FRMD3: variants seen among roughly 807,000 people sequenced by gnomAD.
The protein encoded by FRMD3 is FERM domain-containing protein 3.
Under a neutral mutation model 70.2 loss-of-function variants are expected in FRMD3, and 33 were observed. The observed-to-expected ratio is 0.47, with a 90% confidence interval of 0.36 to 0.63. FRMD3 has a LOEUF of 0.63. Ranked by LOEUF, FRMD3 falls within the 20% of genes least tolerant of loss-of-function variation. FRMD3 has a pLI of 0.00. For missense variants in FRMD3, 632 were observed against 711.4 expected (o/e 0.89, Z 1.27); for synonymous variants, 279 against 255.9 (o/e 1.09, Z -0.86).
At chr9:83,386,144 A>C (rs1002847292) in intron 2 of FRMD3, among the ~76,000 whole-genome samples, 2 of 152,206 alleles carry the variant, frequency 1.3e-5, no homozygotes, top group African/African-American at 4.8e-5. Flanking sequence ...AGAGACTCAG[A>C]TAGGCTGCAT....
At chr9:83,339,670 A>T (rs1015311672) in intron 5 of FRMD3, among the ~76,000 whole-genome samples, 6 of 152,140 alleles carry the variant, frequency 3.9e-5, no homozygotes, top group Non-Finnish European at 8.8e-5. Context: ...CCCTCCTGGG[A>T]CACTCATAGC....
chr9:83,251,453 C>A (rs982362343), intron 13 of FRMD3, among the ~76,000 whole-genome samples: 2 of 152,156 alleles, frequency 1.3e-5, no homozygotes, highest in African/African-American at 4.8e-5. Context: ...ACCATAATGC[C>A]TCTTCTCATC....
chr9:83,539,672 T>TG (rs1829975083), upstream of FRMD3, among the ~76,000 whole-genome samples: 1 of 152,110 alleles, frequency 6.6e-6, no homozygotes, highest in African/African-American at 2.4e-5. Context: ...GGCTAAGGTT[T>TG]GGGGGAGTCC....
Position 83,278,888 on chromosome 9 carries a change from C to G in FRMD3, c.1195+11715G>C, listed in dbSNP as rs1833878515. Among the ~76,000 whole-genome samples the G allele has an allele frequency of 3.3e-5, 5 of 152,108 alleles. No individual in the cohort carries two copies. The South Asian group carries it at 1.0e-3, about 31-fold the overall frequency. On this transcript the variant is annotated intron_variant, in intron 13 of 13. Transcript: ENST00000304195. ...AGAGAGAGCAAACTAAGGGCCCATCCAAAGGGCTGGGCTTGGGCTTCTCAG... is the reference window on the plus strand; with the variant it reads ...AGAGAGAGCAAACTAAGGGCCCATCGAAAGGGCTGGGCTTGGGCTTCTCAG...
At chr9:83,382,080 A>AT (rs571361427) in intron 2 of FRMD3, among the ~76,000 whole-genome samples, 128 of 152,284 alleles carry the variant, frequency 8.4e-4, no homozygotes, top group African/African-American at 3.0e-3. Context: ...ATTACTATTT[A>AT]TTTTAAAGTA....
intron 2 of FRMD3, among the ~76,000 whole-genome samples, chr9:83,375,384 C>T (rs1237553629): frequency 1.3e-5 from 2 of 152,226 alleles, no homozygotes; most frequent in Non-Finnish European, 2.9e-5. Flanking sequence ...AGCCTAACCA[C>T]ACCCTACATT....
chr9:83,270,739 G>A (rs770980296), intron 13 of FRMD3, among the ~76,000 whole-genome samples: 1 of 152,148 alleles, frequency 6.6e-6, no homozygotes, highest in Non-Finnish European at 1.5e-5. Flanking sequence ...TCCAAGGGGT[G>A]GTTGTGAGGA....
intron 3 of FRMD3, among the ~76,000 whole-genome samples, chr9:83,357,700 T>C (rs193290598): frequency 3.2e-4 from 48 of 152,302 alleles, no homozygotes; most frequent in African/African-American, 1.1e-3. Context: ...TCTCACATGT[T>C]TGTTGCCCAT....
chr9:83,274,587 G>C (rs1002039599), intron 13 of FRMD3, among the ~76,000 whole-genome samples: 3 of 152,180 alleles, frequency 2.0e-5, no homozygotes, highest in Admixed American at 1.3e-4. Context: ...GCACAGACAG[G>C]TGGTGCTGGA....
chr9:83,420,919 C>A (rs1324815706), intron 1 of FRMD3, among the ~76,000 whole-genome samples: 3 of 150,732 alleles, frequency 2.0e-5, no homozygotes, highest in Non-Finnish European at 4.4e-5. Flanking sequence ...AGACCATGAG[C>A]CATCTTTTTT....
the FRMD3 span, among the ~76,000 whole-genome samples, chr9:83,551,234 C>G: frequency 6.6e-6 from 1 of 152,092 alleles, no homozygotes; most frequent in African/African-American, 2.4e-5. Context: ...TTAAGATAAT[C>G]ATATGGTTTT....
chr9:83,406,013 A>G (rs139617498), intron 1 of FRMD3, among the ~76,000 whole-genome samples: 1,817 of 151,984 alleles, frequency 0.012, 50 homozygotes, highest in African/African-American at 0.042. Context: ...ATTCTATCAC[A>G]TTCCATTCTC....
chr9:83,349,902 A>T, intron 3 of FRMD3, 145 bp from the exon 4 acceptor site: 1 of 517,778 alleles, frequency 1.9e-6, no homozygotes, highest in South Asian at 2.4e-5. Flanking sequence ...AGAAGCAGAT[A>T]TGATGCCCAA....
At chr9:83,446,474 C>A (rs542174174) in intron 1 of FRMD3, among the ~76,000 whole-genome samples, 9 of 151,822 alleles carry the variant, frequency 5.9e-5, no homozygotes, top group Non-Finnish European at 1.0e-4. Flanking sequence ...GGTGAAACCC[C>A]GTCTCTACTA....
chr9:83,302,863 G>A (rs542865520), intron 10 of FRMD3, among the ~76,000 whole-genome samples: 6 of 152,222 alleles, frequency 3.9e-5, no homozygotes, highest in East Asian at 3.9e-4. Context: ...ACAGCAATTC[G>A]CTCTCCTACA....
At chr9:83,353,021 G>A (rs1278773015) in intron 3 of FRMD3, among the ~76,000 whole-genome samples, 4 of 152,140 alleles carry the variant, frequency 2.6e-5, no homozygotes, top group Non-Finnish European at 5.9e-5. Context: ...GATGAGAGCT[G>A]GCGGCAGGAA....
At chr9:83,529,104 C>A (rs75096169) in intron 1 of FRMD3, among the ~76,000 whole-genome samples, 2 of 152,172 alleles carry the variant, frequency 1.3e-5, no homozygotes, top group Non-Finnish European at 2.9e-5. Context: ...CTTCTTCATT[C>A]AATCTGTTGC....
At chr9:83,377,272 T>C (rs916648332) in intron 2 of FRMD3, among the ~76,000 whole-genome samples, 3 of 152,210 alleles carry the variant, frequency 2.0e-5, no homozygotes, top group Admixed American at 6.5e-5. Flanking sequence ...AATATATTTG[T>C]AAAGATCCGA....
intron 1 of FRMD3, among the ~76,000 whole-genome samples, chr9:83,533,575 A>G (rs1484361230): frequency 6.6e-6 from 1 of 152,222 alleles, no homozygotes; most frequent in African/African-American, 2.4e-5. Context: ...CTGGCATGCT[A>G]CCTTCATGTT....
Sources: allele counts gnomAD v4.1 joint callset (sites outside exome capture counted in the v4.1 genomes callset), GRCh38; gene constraint gnomAD v4.1.1; transcripts MANE v1.5; gene names NCBI Gene and HGNC (gene_info 2026-07-23, HGNC 2026-07-21).